Variants in CSMD3 observed in about 807,000 individuals in gnomAD.
The protein encoded by CSMD3 is CUB and Sushi multiple domains 3, also known as CUB and sushi domain-containing protein 3.
CSMD3 carries 177 observed loss-of-function variants against 435.2 expected under a neutral mutation model. The observed-to-expected ratio is 0.41, with a 90% CI of 0.36 to 0.46. CSMD3 has a LOEUF of 0.46. Ranked by LOEUF, CSMD3 falls within the 20% of genes least tolerant of loss-of-function variation. The pLI, the probability that CSMD3 is intolerant of heterozygous loss-of-function variation, is 0.34. For synonymous variants in CSMD3, 1,656 were observed against 1,520.5 expected (o/e 1.09, Z -2.07); for missense variants, 4,265 against 4,504.6 (o/e 0.95, Z 1.52).
chr8:112,492,734 C>T (rs377565421), intron 30 of CSMD3, 51 bp from the exon 31 acceptor site: 5 of 1,381,474 alleles, frequency 3.6e-6, no homozygotes, highest in East Asian at 2.3e-5. Flanking sequence ...ACAGTTGGCA[C>T]TCCGTAATAC....
At chr8:112,827,160 C>CTTATATATATAT (rs2079709847) in intron 12 of CSMD3, among the ~76,000 whole-genome samples, 1 of 38,706 alleles carries the variant, frequency 2.6e-5, no homozygotes, top group Non-Finnish European at 4.7e-5. Context: ...ACTAGGTTAC[C>CTTATATATATAT]ATAAATATAT....
intron 1 of CSMD3, among the ~76,000 whole-genome samples, chr8:113,395,155 A>G (rs1588656283): frequency 6.6e-6 from 1 of 152,304 alleles, no homozygotes; most frequent in South Asian, 2.1e-4. Flanking sequence ...AACATAAGGA[A>G]CAGTTAGCAT....
intron 31 of CSMD3, among the ~76,000 whole-genome samples, chr8:112,486,031 A>T (rs1309520700): frequency 6.6e-6 from 1 of 151,316 alleles, no homozygotes. Flanking sequence ...GGCTAAGTAT[A>T]TCTATATAGG....
chr8:113,246,285 T>C (rs1160558618), intron 3 of CSMD3, among the ~76,000 whole-genome samples: 2 of 152,064 alleles, frequency 1.3e-5, no homozygotes, highest in Admixed American at 6.6e-5. Context: ...AGTTTCACAA[T>C]GAATAATCTC....
At chr8:112,311,271 G>T in intron 49 of CSMD3, 105 bp from the exon 50 acceptor site, 2 of 859,974 alleles carry the variant, frequency 2.3e-6, no homozygotes, top group Non-Finnish European at 1.9e-6. Context: ...TAGGTCAGTG[G>T]TCATCTATGT....
chr8:113,419,125 G>C (rs868450920), intron 1 of CSMD3, among the ~76,000 whole-genome samples: 2 of 133,426 alleles, frequency 1.5e-5, no homozygotes, highest in Non-Finnish European at 3.2e-5. Flanking sequence ...TTTTTGGTTT[G>C]TTTTTTTTTT....
chr8:113,379,374 G>A (rs2094404994), intron 1 of CSMD3, among the ~76,000 whole-genome samples: 1 of 152,116 alleles, frequency 6.6e-6, no homozygotes, highest in Non-Finnish European at 1.5e-5. Context: ...GTTCCAGTAA[G>A]GAAGATATAA....
chr8:113,399,459 G>T (rs1164935286), intron 1 of CSMD3, among the ~76,000 whole-genome samples: 1 of 151,752 alleles, frequency 6.6e-6, no homozygotes, highest in African/African-American at 2.4e-5. Flanking sequence ...AATGTTATTT[G>T]CCACAAGAAG....
intron 4 of CSMD3, among the ~76,000 whole-genome samples, chr8:113,101,554 C>T (rs779297918): frequency 2.0e-5 from 3 of 152,010 alleles, no homozygotes; most frequent in Non-Finnish European, 2.9e-5. Flanking sequence ...CCTAGACTCA[C>T]AATGCTGATA....
At chr8:113,223,667 T>C (rs958234193) in intron 3 of CSMD3, among the ~76,000 whole-genome samples, 7 of 149,610 alleles carry the variant, frequency 4.7e-5, no homozygotes, top group Admixed American at 3.4e-4. Flanking sequence ...ACATTTAGTG[T>C]CTGTGGTTTT....
chr8:113,321,562 A>AT, intron 1 of CSMD3, among the ~76,000 whole-genome samples: 2 of 151,924 alleles, frequency 1.3e-5, no homozygotes, highest in Non-Finnish European at 2.9e-5. Flanking sequence ...TTACAATGTA[A>AT]TTTTTTATGA....
intron 35 of CSMD3, among the ~76,000 whole-genome samples, chr8:112,404,192 G>A (rs1402047930): frequency 6.6e-6 from 1 of 151,772 alleles, no homozygotes; most frequent in Non-Finnish European, 1.5e-5. Flanking sequence ...GATTTAAATG[G>A]TAAAAAAAAT....
At chr8:112,679,000 CAGG>C (rs1055893161) in intron 16 of CSMD3, among the ~76,000 whole-genome samples, 1 of 149,966 alleles carries the variant, frequency 6.7e-6, no homozygotes, top group Non-Finnish European at 1.5e-5. Context: ...AAAAAGGAGA[CAGG>C]AGGAGTAGCC....
At chr8:113,273,468 G>A (rs2093546066) in intron 3 of CSMD3, among the ~76,000 whole-genome samples, 1 of 152,122 alleles carries the variant, frequency 6.6e-6, no homozygotes, top group African/African-American at 2.4e-5. Flanking sequence ...GCCACACTAA[G>A]CAGCATGATA....
At chr8:112,460,910 G>A (rs888814228) in intron 32 of CSMD3, among the ~76,000 whole-genome samples, 5 of 152,076 alleles carry the variant, frequency 3.3e-5, no homozygotes. Flanking sequence ...TCAGAGACTG[G>A]AATCACAGAT....
At chr8:112,706,525 C>T (rs1238068423) in intron 13 of CSMD3, among the ~76,000 whole-genome samples, 1 of 151,870 alleles carries the variant, frequency 6.6e-6, no homozygotes, top group East Asian at 1.9e-4. Flanking sequence ...AGAGGTAGCT[C>T]GTGACTTTTT....
chr8:112,765,523 A>G (rs192293768), intron 13 of CSMD3, among the ~76,000 whole-genome samples: 1 of 151,824 alleles, frequency 6.6e-6, no homozygotes, highest in East Asian at 1.9e-4. Flanking sequence ...TCCAGCGTGC[A>G]GGAGGTGATT....
chr8:112,755,984 T>C lies in CSMD3; in HGVS notation c.1972+44178A>G, dbSNP rs556567959. ...AAGATTGAGATTATTTGAAGAACAA[T>C]CTTAGCCACAAGGGAAATGGAATTG... On this transcript the variant is annotated intron_variant, in intron 13 of 70. Transcript: ENST00000297405. Among the ~76,000 whole-genome samples, 5 of 152,156 alleles carry C rather than the reference T, an allele frequency of 3.3e-5. No homozygotes were observed. In the East Asian group the frequency reaches 7.7e-4, roughly 24 times the overall value.
chr8:113,138,177 C>G (rs1313650861), intron 4 of CSMD3, among the ~76,000 whole-genome samples: 1 of 151,344 alleles, frequency 6.6e-6, no homozygotes, highest in Non-Finnish European at 1.5e-5. Context: ...AATTATTATT[C>G]AAAGTGTTTT....
Sources: gnomAD v4.1 joint callset for allele counts (sites outside exome capture counted in the v4.1 genomes callset) on GRCh38, gnomAD v4.1.1 for gene constraint, MANE v1.5 for transcripts, NCBI Gene and HGNC (gene_info 2026-07-23, HGNC 2026-07-21) for gene names.